CAMK2D: variants seen among roughly 807,000 people sequenced by gnomAD.
CAMK2D encodes the protein calcium/calmodulin-dependent protein kinase type II subunit delta.
Under a neutral mutation model 84.0 loss-of-function variants are expected in CAMK2D, and 37 were observed. The observed-to-expected ratio is 0.44, with a 90% CI of 0.34 to 0.58. The LOEUF (loss-of-function observed/expected upper bound fraction) is 0.58. Ranked by LOEUF, CAMK2D falls within the 20% of genes least tolerant of loss-of-function variation. CAMK2D has a pLI of 0.02. For missense variants in CAMK2D, 448 were observed against 652.5 expected, an observed-to-expected ratio of 0.69 and a Z score of 3.41; for synonymous variants, 202 against 212.5, an observed-to-expected ratio of 0.95 and a Z score of 0.43.
At chr4:113,565,878 A>G (rs2154216096) in intron 4 of CAMK2D, among the ~76,000 whole-genome samples, 1 of 152,234 alleles carries the variant, frequency 6.6e-6, no homozygotes, top group African/African-American at 2.4e-5. Context: ...CCTACAGAAT[A>G]GAAAAAAAAT....
chr4:113,623,290 G>T (rs1213518044), intron 3 of CAMK2D, among the ~76,000 whole-genome samples: 1 of 151,898 alleles, frequency 6.6e-6, no homozygotes, highest in Non-Finnish European at 1.5e-5. Context: ...TCTGTGATAA[G>T]TATTTTATAA....
At chr4:113,499,440 A>T (rs2097997947) in intron 16 of CAMK2D, among the ~76,000 whole-genome samples, 1 of 152,190 alleles carries the variant, frequency 6.6e-6, no homozygotes, top group African/African-American at 2.4e-5. Context: ...CCAAGTTGTG[A>T]TCTACAGCCA....
At chr4:113,588,482 G>C (rs1456153597) in intron 4 of CAMK2D, among the ~76,000 whole-genome samples, 1 of 152,046 alleles carries the variant, frequency 6.6e-6, no homozygotes, top group Non-Finnish European at 1.5e-5. Flanking sequence ...GTCTCATTTT[G>C]CTCAAAAGCA....
intron 9 of CAMK2D, 141 bp downstream of exon 9, chr4:113,517,422 C>T: frequency 2.3e-6 from 1 of 439,842 alleles, no homozygotes; most frequent in Admixed American, 3.6e-5. Context: ...GCATTTCTTT[C>T]TCCCTTTCCT....
chr4:113,640,589 C>T (rs902744044), intron 3 of CAMK2D, among the ~76,000 whole-genome samples: 5 of 152,272 alleles, frequency 3.3e-5, no homozygotes, highest in Middle Eastern at 3.4e-3. Context: ...GAGCATTCAA[C>T]TATAGAGAGA....
chr4:113,702,573 T>C (rs890510114), intron 2 of CAMK2D, among the ~76,000 whole-genome samples: 11 of 152,174 alleles, frequency 7.2e-5, no homozygotes, highest in African/African-American at 2.7e-4. Context: ...TAATGGTATA[T>C]TGTATTTAAT....
intron 3 of CAMK2D, among the ~76,000 whole-genome samples, chr4:113,652,536 T>C (rs1306175295): frequency 1.3e-5 from 2 of 152,140 alleles, no homozygotes; most frequent in Admixed American, 6.5e-5. Context: ...CTGGGCTCCC[T>C]AGCGACATGA....
intron 3 of CAMK2D, among the ~76,000 whole-genome samples, chr4:113,611,120 C>T (rs1202258344): frequency 6.6e-6 from 1 of 152,034 alleles, no homozygotes; most frequent in Non-Finnish European, 1.5e-5. Flanking sequence ...ATAAGCAATT[C>T]TTCCATCACT....
chr4:113,636,177 C>A (rs1332919538), intron 3 of CAMK2D, among the ~76,000 whole-genome samples: 1 of 152,166 alleles, frequency 6.6e-6, no homozygotes, highest in Admixed American at 6.5e-5. Flanking sequence ...CTGTGTCCAC[C>A]TCCACTGAGA....
At chr4:113,688,674 C>A (rs1359012953) in intron 2 of CAMK2D, among the ~76,000 whole-genome samples, 1 of 152,026 alleles carries the variant, frequency 6.6e-6, no homozygotes, top group African/African-American at 2.4e-5. Flanking sequence ...CCTTGGTTTC[C>A]TTCATCCCTG....
Position 113,457,507 on chromosome 4 carries a change from G to C in CAMK2D, c.1363C>G (p.Leu455Val), listed in dbSNP as rs762742010. The change falls in exon 19 of 21, where the codon CTG becomes GTG. Residue 455 changes from leucine to valine, a missense_variant. Leu to Val is a conservative substitution (Grantham distance 32, BLOSUM62 1). Coordinates refer to ENST00000511664, the MANE Select transcript of CAMK2D (RefSeq NM_001321571.2). ...HTIILNPHVHLVGDDAACIAY... is the reference protein window; with the variant it reads ...HTIILNPHVHVVGDDAACIAY... Reference sequence around the variant, plus strand: ...ATGCAGGCGGCATCATCCCCTACCAGATGTACATGAGGGTTTAGAATAATA... The same window carrying C: ...ATGCAGGCGGCATCATCCCCTACCACATGTACATGAGGGTTTAGAATAATA... 12 of 1,613,092 alleles carry C rather than the reference G, an allele frequency of 7.4e-6. No individual in the cohort carries two copies. The East Asian group carries it at 2.5e-4, about 33-fold the overall frequency.
At chr4:113,457,704 A>G (rs1473438545) in intron 18 of CAMK2D, 141 bp from the exon 19 acceptor site, 1 of 652,696 alleles carries the variant, frequency 1.5e-6, no homozygotes, top group Non-Finnish European at 2.6e-6. Flanking sequence ...TACTATTTGT[A>G]CTAATTGGGT....
In CAMK2D at chr4:113,524,239, T is replaced by C. The variant is rs139390106; in HGVS notation, c.602-6582A>G. The stretch of plus-strand genomic sequence containing the variant: ...CATTTACACTGTCATGAAACAGATC[T>C]CCAGTTTGTTTTCATTTTTCAACAC... On this transcript the variant is annotated intron_variant, in intron 8 of 20. Coordinates refer to ENST00000511664, the MANE Select transcript of CAMK2D (RefSeq NM_001321571.2). Among the ~76,000 whole-genome samples the C allele has an allele frequency of 1.1e-3, 160 of 152,300 alleles. 1 individual carries two copies. The highest frequency in any genetic ancestry group is 3.7e-3 in the African/African-American group (154 of 41,580).
chr4:113,645,252 A>C (rs916184841), intron 3 of CAMK2D, among the ~76,000 whole-genome samples: 2 of 152,068 alleles, frequency 1.3e-5, no homozygotes. Context: ...TCCTGACCTC[A>C]TGATCCGCCC....
chr4:113,674,629 G>C (rs952295817), intron 2 of CAMK2D, among the ~76,000 whole-genome samples: 2 of 152,070 alleles, frequency 1.3e-5, no homozygotes, highest in African/African-American at 4.8e-5. Context: ...AGGCTGGACA[G>C]TTAATTTCCT....
chr4:113,499,172 A>AT (rs1335482756), intron 16 of CAMK2D, among the ~76,000 whole-genome samples: 6 of 152,190 alleles, frequency 3.9e-5, no homozygotes, highest in African/African-American at 1.4e-4. Context: ...AAAAAAGAAT[A>AT]TTTTTATCTA....
chr4:113,748,038 C>T (rs1030789086), intron 2 of CAMK2D, among the ~76,000 whole-genome samples: 6 of 151,898 alleles, frequency 4.0e-5, no homozygotes, highest in Admixed American at 3.9e-4. Context: ...CTACCTATCT[C>T]TCAGTTCAAA....
chr4:113,579,281 C>G (rs2098797644), intron 4 of CAMK2D, among the ~76,000 whole-genome samples: 2 of 152,206 alleles, frequency 1.3e-5, no homozygotes, highest in African/African-American at 4.8e-5. Flanking sequence ...TCTGGAATTA[C>G]AACACCAATT....
At chr4:113,749,700 C>T (rs1369570430) in intron 2 of CAMK2D, among the ~76,000 whole-genome samples, 3 of 152,038 alleles carry the variant, frequency 2.0e-5, no homozygotes, top group Non-Finnish European at 4.4e-5. Flanking sequence ...TGTTAGCCCT[C>T]ATTAATGAGC....
Sources: gnomAD v4.1 joint callset for allele counts (sites outside exome capture counted in the v4.1 genomes callset) on GRCh38, gnomAD v4.1.1 for gene constraint, MANE v1.5 for transcripts, NCBI Gene and HGNC (gene_info 2026-07-23, HGNC 2026-07-21) for gene names.